Variants in CBFA2T2 observed in about 807,000 individuals in gnomAD.
CBFA2T2 encodes the protein CBFA2/RUNX1 partner transcriptional co-repressor 2.
Under a neutral mutation model 62.2 loss-of-function variants are expected in CBFA2T2, and 11 were observed. The ratio of observed to expected loss-of-function variants is 0.18; its 90% CI spans 0.11 to 0.29. The LOEUF (loss-of-function observed/expected upper bound fraction) is 0.29, where lower values mean the gene tolerates loss of function less well. CBFA2T2 is among the 10% of genes least tolerant of loss of function. The probability of loss-of-function intolerance (pLI) is 1.00; values close to 1 mark genes in which losing one functional copy is unlikely to be tolerated. For missense variants in CBFA2T2, 592 were observed against 774.1 expected, an observed-to-expected ratio of 0.76 and a Z score of 2.79; for synonymous variants, 295 against 287.5, an observed-to-expected ratio of 1.03 and a Z score of -0.27.
intron 1 of CBFA2T2, among the ~76,000 whole-genome samples, chr20:33,513,603 C>T (rs1352574767): frequency 5.3e-5 from 8 of 151,392 alleles, no homozygotes; most frequent in East Asian, 2.0e-4. Flanking sequence ...CCTTGTGATC[C>T]GCCTGCGTTG....
chr20:33,643,251 T>G (rs2016917906), intron 10 of CBFA2T2, among the ~76,000 whole-genome samples: 2 of 152,156 alleles, frequency 1.3e-5, no homozygotes, highest in South Asian at 4.1e-4. Flanking sequence ...CTCTGTTCAA[T>G]GAGTATAGCA....
intron 1 of CBFA2T2, among the ~76,000 whole-genome samples, chr20:33,530,844 G>A (rs537548588): frequency 3.9e-5 from 6 of 152,264 alleles, no homozygotes; most frequent in African/African-American, 1.4e-4. Context: ...ACTTTGGGAG[G>A]CCGAGGCGGG....
intron 1 of CBFA2T2, among the ~76,000 whole-genome samples, chr20:33,527,675 A>T (rs1332185563): frequency 6.6e-6 from 1 of 151,406 alleles, no homozygotes; most frequent in African/African-American, 2.4e-5. Context: ...ACCCAGCCCT[A>T]AGTCTTATTG....
intron 1 of CBFA2T2, among the ~76,000 whole-genome samples, chr20:33,558,882 A>T (rs1402450957): frequency 1.3e-5 from 2 of 151,898 alleles, no homozygotes; most frequent in African/African-American, 4.9e-5. Flanking sequence ...CAGCTTTGTT[A>T]CATGGATGTA....
chr20:33,620,519 TAAAG>T (rs895463416), intron 4 of CBFA2T2, among the ~76,000 whole-genome samples: 16 of 143,290 alleles, frequency 1.1e-4, no homozygotes, highest in African/African-American at 3.9e-4. Flanking sequence ...TAAAATAAAA[TAAAG>T]AATAAAAAAA....
chr20:33,605,901 C>A (rs2015323766), intron 1 of CBFA2T2, among the ~76,000 whole-genome samples: 1 of 151,914 alleles, frequency 6.6e-6, no homozygotes, highest in Non-Finnish European at 1.5e-5. Context: ...TCACTGCAAC[C>A]TCCGCCTCCC....
Position 33,640,600 on chromosome 20 carries a change from T to A in CBFA2T2, c.1488+69T>A. ...GACCACGCCCGCTGCCTTCCTCTCA[T>A]ACGCTGGGCAGGAAGACACAGGCAG... is the stretch of plus-strand genomic sequence containing the variant. On this transcript the variant is annotated intron_variant, in intron 10 of 10. Transcript: ENST00000342704. The A allele has an allele frequency of 3.5e-6, 5 of 1,434,270 alleles. No homozygotes were observed. The East Asian group carries it at 1.1e-4, about 33-fold the overall frequency. The allele number at this position is 1,434,270 out of a possible 1,614,324, so 88.8% of individuals were successfully genotyped here. A position where few individuals can be genotyped will look rare whatever the true frequency, so the allele number is the denominator to read the frequency against.
At chr20:33,499,068 A>G (rs7261883) in intron 1 of CBFA2T2, among the ~76,000 whole-genome samples, 3,436 of 151,856 alleles carry the variant, frequency 0.023, 125 homozygotes, top group African/African-American at 0.079. Flanking sequence ...AAAAATAAGC[A>G]GAGAGATTGA....
intron 1 of CBFA2T2, among the ~76,000 whole-genome samples, chr20:33,599,880 C>T (rs944256185): frequency 6.6e-6 from 1 of 152,182 alleles, no homozygotes; most frequent in Admixed American, 6.5e-5. Context: ...AGGCGTGAGC[C>T]ACTGTGCCCA....
Position 33,624,971 on chromosome 20 carries a change from C to A in CBFA2T2, c.900C>A (p.Asn300Lys). The A allele has an allele frequency of 6.2e-7, 1 of 1,614,180 alleles. No individual in the cohort carries two copies. Among genetic ancestry groups the A allele is most frequent in the Non-Finnish European group, 8.5e-7 (1 of 1,180,034 alleles). ...CTTCTCACCTGTATCGGGAACCCAA[C>A]AAGATGCTAGAGCATCGAGAAGTTC... ...IATSHLYREP[N>K]KMLEHREVRD... Residue 300 changes from asparagine (N) to lysine (K), a missense_variant, in exon 6 of 11, where the codon AAC becomes AAA. By Grantham distance (94) the Asn-to-Lys change is moderately conservative (BLOSUM62 0). Coordinates refer to ENST00000342704, the MANE Select transcript of CBFA2T2 (RefSeq NM_001032999.3).
chr20:33,575,532 G>T (rs943162927), intron 1 of CBFA2T2, among the ~76,000 whole-genome samples: 26 of 152,232 alleles, frequency 1.7e-4, no homozygotes, highest in African/African-American at 5.5e-4. Flanking sequence ...TAATAGAAAA[G>T]ATATAGAAAC....
At chr20:33,536,907 G>A (rs546515901) in intron 1 of CBFA2T2, among the ~76,000 whole-genome samples, 1 of 149,978 alleles carries the variant, frequency 6.7e-6, no homozygotes, top group Non-Finnish European at 1.5e-5. Flanking sequence ...GGGAAGAGGC[G>A]CTCCTCACTT....
intron 1 of CBFA2T2, among the ~76,000 whole-genome samples, chr20:33,538,000 T>TAA (rs78359687): frequency 3.6e-4 from 51 of 141,190 alleles, no homozygotes; most frequent in African/African-American, 9.8e-4. Context: ...CTCAATTTCT[T>TAA]AAAAAAAAAA....
intron 4 of CBFA2T2, among the ~76,000 whole-genome samples, chr20:33,621,287 CTTTTTTTTTTT>C (rs199805350): frequency 1.1e-4 from 9 of 85,296 alleles, no homozygotes; most frequent in African/African-American, 3.1e-4. Flanking sequence ...ATTTTACTGC[CTTTTTTTTTTT>C]TTTTTTTTTT....
intron 1 of CBFA2T2, among the ~76,000 whole-genome samples, chr20:33,535,895 C>T (rs1235580086): frequency 6.6e-6 from 1 of 152,078 alleles, no homozygotes; most frequent in Non-Finnish European, 1.5e-5. Context: ...TGCCTTCAAG[C>T]ATCTGTTTAA....
At chr20:33,521,914 T>G (rs2011740825) in intron 1 of CBFA2T2, among the ~76,000 whole-genome samples, 1 of 152,228 alleles carries the variant, frequency 6.6e-6, no homozygotes, top group Admixed American at 6.6e-5. Context: ...TTTATTTTTG[T>G]TTTTAGTTAC....
chr20:33,533,050 C>T (rs1202117995), intron 1 of CBFA2T2, among the ~76,000 whole-genome samples: 1 of 152,174 alleles, frequency 6.6e-6, no homozygotes, highest in African/African-American at 2.4e-5. Context: ...AGTGCTTCTT[C>T]CTGCATTTTC....
chr20:33,497,547 C>CTTTTTT (rs756491939), intron 1 of CBFA2T2, among the ~76,000 whole-genome samples: 1 of 114,656 alleles, frequency 8.7e-6, no homozygotes, highest in Non-Finnish European at 1.7e-5. Context: ...AGCTTGTATA[C>CTTTTTT]TTTTTTTTTT....
At chr20:33,606,858 A>ATTCCCTATTC in intron 1 of CBFA2T2, 98 bp from the exon 2 acceptor site, 1 of 1,179,654 alleles carries the variant, frequency 8.5e-7, no homozygotes, top group Non-Finnish European at 1.2e-6. Context: ...CTATTATACC[A>ATTCCCTATTC]AGCAGTCCTC....
Sources: gnomAD v4.1 joint callset for allele counts (sites outside exome capture counted in the v4.1 genomes callset) on GRCh38, gnomAD v4.1.1 for gene constraint, MANE v1.5 for transcripts, NCBI Gene and HGNC (gene_info 2026-07-23, HGNC 2026-07-21) for gene names.